The following USH2A variants were observed in gnomAD, a reference collection of about 807,000 sequenced individuals.
USH2A encodes the protein Usher syndrome 2A (autosomal recessive, mild).
Under a neutral mutation model 538.9 loss-of-function variants are expected in USH2A, and 443 were observed. The ratio of observed to expected loss-of-function variants is 0.82; its 90% CI spans 0.76 to 0.89. USH2A has a LOEUF of 0.89. Ranked by LOEUF, USH2A falls within the 40% of genes least tolerant of loss-of-function variation. USH2A has a pLI of 0.00. For missense variants in USH2A, 6,633 were observed against 6,324.8 expected, an observed-to-expected ratio of 1.05 and a Z score of -1.65; for synonymous variants, 2,413 against 2,273.5, an observed-to-expected ratio of 1.06 and a Z score of -1.75.
Position 216,365,049 on chromosome 1 carries a change from C to A in USH2A, c.688G>T (p.Val230Leu), listed in dbSNP as rs45500891. 3.1e-6 allele frequency: 5 copies of A among 1,613,226 alleles called. No homozygotes were observed. The highest frequency in any genetic ancestry group is 4.2e-6 in the Non-Finnish European group (5 of 1,179,570). The change falls in exon 4 of 72, where the codon GTG becomes TTG. Residue 230 changes from valine to leucine, a missense_variant. Transcript: ENST00000307340. ...TTGAAAGGTGTATGATCCTTCTCCA[C>A]GCCATTGATAAAGAAGCTGATTTTT... ...QTKISFFING[V>L]EKDHTPFNAR... is the part of the protein sequence containing the mutation.
intron 36 of USH2A, among the ~76,000 whole-genome samples, chr1:215,966,143 G>GAA (rs1311350290): frequency 6.6e-6 from 1 of 152,072 alleles, no homozygotes; most frequent in African/African-American, 2.4e-5. Context: ...AAGCTATGCA[G>GAA]AAAAGAGCAA....
intron 30 of USH2A, among the ~76,000 whole-genome samples, chr1:216,051,218 C>T (rs1271783855): frequency 6.6e-6 from 1 of 152,170 alleles, no homozygotes; most frequent in Non-Finnish European, 1.5e-5. Flanking sequence ...CACATCTCTC[C>T]CAAGCCCTGG....
chr1:216,303,561 A>G (rs1301839580), intron 9 of USH2A, among the ~76,000 whole-genome samples: 1 of 151,972 alleles, frequency 6.6e-6, no homozygotes, highest in Non-Finnish European at 1.5e-5. Flanking sequence ...GTAGTATTAG[A>G]CTTGATTACT....
intron 61 of USH2A, among the ~76,000 whole-genome samples, chr1:215,710,944 T>TAGATCCTCAAGGC (rs1198809717): frequency 6.6e-6 from 1 of 152,058 alleles, no homozygotes; most frequent in African/African-American, 2.4e-5. Context: ...TATCGGCTTC[T>TAGATCCTCAAGGC]AGATCCTCAA....
intron 9 of USH2A, among the ~76,000 whole-genome samples, chr1:216,316,400 T>C (rs2037509913): frequency 6.6e-6 from 1 of 152,206 alleles, no homozygotes; most frequent in Non-Finnish European, 1.5e-5. Context: ...GCTTCTAGTG[T>C]CTCAATCTAT....
intron 11 of USH2A, among the ~76,000 whole-genome samples, chr1:216,271,065 C>T (rs1271922178): frequency 6.6e-6 from 1 of 152,104 alleles, no homozygotes; most frequent in East Asian, 1.9e-4. Context: ...ATACTCTTCC[C>T]CACTGAGGTA....
At chr1:215,989,621 C>T (rs17025826) in intron 35 of USH2A, among the ~76,000 whole-genome samples, 4,204 of 152,070 alleles carry the variant, frequency 0.028, 199 homozygotes, top group African/African-American at 0.097. Context: ...ATATTAATGG[C>T]CTTCACTAGA....
Position 215,624,905 on chromosome 1 carries a change from C to T in USH2A, c.*876G>A, listed in dbSNP as rs1165528116. 1 of 152,040 alleles carries T rather than the reference C, an allele frequency of 6.6e-6. No individual in the cohort carries two copies. The highest frequency in any genetic ancestry group is 2.4e-5 in the African/African-American group (1 of 41,408). 9.4% of individuals were successfully genotyped at this position (152,040 alleles called of 1,614,324 possible). A position where few individuals can be genotyped will look rare whatever the true frequency, so the allele number is the denominator to read the frequency against. Reference sequence around the variant, plus strand: ...ATATTGCAAATAGAACAGTAGTTTCCATTTGAAATGTGCTAGGTTGAAGAT... The same window carrying T: ...ATATTGCAAATAGAACAGTAGTTTCTATTTGAAATGTGCTAGGTTGAAGAT... On this transcript the variant is annotated 3_prime_UTR_variant, in exon 72 of 72. Coordinates refer to ENST00000307340, the MANE Select transcript of USH2A (RefSeq NM_206933.4).
intron 27 of USH2A, among the ~76,000 whole-genome samples, chr1:216,074,289 A>T (rs2031671645): frequency 6.6e-6 from 1 of 150,628 alleles, no homozygotes. Flanking sequence ...ATTGGGACAA[A>T]CAGGACCGAG....
intron 61 of USH2A, among the ~76,000 whole-genome samples, chr1:215,727,628 G>A (rs1368738106): frequency 1.3e-5 from 2 of 152,200 alleles, no homozygotes; most frequent in African/African-American, 4.8e-5. Flanking sequence ...AGGAGGCTGA[G>A]GCAGGAGAAT....
chr1:216,220,993 T>C (rs1320161265), intron 14 of USH2A, among the ~76,000 whole-genome samples: 5 of 152,194 alleles, frequency 3.3e-5, no homozygotes, highest in Non-Finnish European at 7.3e-5. Flanking sequence ...ATTGGAGAAA[T>C]TCGGCAGAGT....
intron 4 of USH2A, among the ~76,000 whole-genome samples, chr1:216,335,876 A>G (rs2037959745): frequency 6.6e-6 from 1 of 151,632 alleles, no homozygotes; most frequent in Non-Finnish European, 1.5e-5. Flanking sequence ...TTACTTCACA[A>G]GCCCTTCCAA....
chr1:215,981,921 GAAAA>G (rs924835427), intron 35 of USH2A, among the ~76,000 whole-genome samples: 7 of 152,104 alleles, frequency 4.6e-5, no homozygotes, highest in African/African-American at 1.7e-4. Context: ...GTGAATTAGA[GAAAA>G]AAAGCAAGTT....
intron 32 of USH2A, among the ~76,000 whole-genome samples, chr1:216,038,215 T>C (rs950692116): frequency 1.3e-5 from 2 of 152,056 alleles, no homozygotes; most frequent in Admixed American, 6.6e-5. Context: ...CTTTGGGGCA[T>C]TGTCCTCAAA....
chr1:216,419,953 T>G (rs554725447), intron 2 of USH2A, among the ~76,000 whole-genome samples: 5 of 152,280 alleles, frequency 3.3e-5, no homozygotes, highest in Admixed American at 2.6e-4. Flanking sequence ...ATTTTGTATG[T>G]ATATTTGGTA....
chr1:215,939,547 C>A (rs519859), intron 37 of USH2A, among the ~76,000 whole-genome samples: 20,313 of 151,970 alleles, frequency 0.13, 1,478 homozygotes, highest in South Asian at 0.2. Context: ...TTTCAATGCT[C>A]TTTTTTGTTG....
chr1:216,231,863 T>C, intron 14 of USH2A, 90 bp downstream of exon 14: 1 of 1,545,178 alleles, frequency 6.5e-7, no homozygotes, highest in South Asian at 1.1e-5. Flanking sequence ...AAAAAAATAC[T>C]TTTTACAGAA....
At chr1:215,912,515 G>A (rs200655120) in intron 38 of USH2A, among the ~76,000 whole-genome samples, 977 of 20,168 alleles carry the variant, frequency 0.048, 23 homozygotes, top group East Asian at 0.18. Flanking sequence ...ATATATACGT[G>A]TATATATATA....
chr1:215,628,922 G>A lies in USH2A; in HGVS notation c.15411C>T (p.Ser5137=), dbSNP rs1423350904. ...PSQNQTSLTY[S]QGSLHRSVSQ... is the part of the protein sequence containing the mutation. ...TGACGCTGCGGTGAAGAGAACCCTG[G>A]GAGTAGGTTAGGCTGGTTTGGTTTT... is the stretch of plus-strand genomic sequence containing the variant. Residue 5137 remains serine, a synonymous_variant, in exon 71 of 72, where the codon TCC becomes TCT. Transcript: ENST00000307340. 1.2e-6 allele frequency: 2 copies of A among 1,614,170 alleles called. No individual in the cohort carries two copies. Among genetic ancestry groups the A allele is most frequent in the Non-Finnish European group, 1.7e-6 (2 of 1,180,042 alleles).
Sources: gnomAD v4.1 joint callset for allele counts (sites outside exome capture counted in the v4.1 genomes callset) on GRCh38, gnomAD v4.1.1 for gene constraint, MANE v1.5 for transcripts, NCBI Gene and HGNC (gene_info 2026-07-23, HGNC 2026-07-21) for gene names.